CABCOCO1: variants seen among roughly 807,000 people sequenced by gnomAD.
The protein encoded by CABCOCO1 is ciliary associated calcium binding coiled-coil 1, also known as ciliary-associated calcium-binding coiled-coil protein 1.
A neutral mutation model predicts 35.7 loss-of-function variants in CABCOCO1; 28 were observed. That is an observed-to-expected ratio of 0.78 (90% CI 0.58 to 1.07). CABCOCO1 has a LOEUF of 1.07. Ranked by LOEUF, CABCOCO1 falls within the 50% of genes least tolerant of loss-of-function variation. The pLI, the probability that CABCOCO1 is intolerant of heterozygous loss-of-function variation, is 0.00. For synonymous variants in CABCOCO1, 95 were observed against 100.1 expected, an observed-to-expected ratio of 0.95 and a Z score of 0.30; for missense variants, 326 against 309.2, an observed-to-expected ratio of 1.05 and a Z score of -0.41.
intron 3 of CABCOCO1, among the ~76,000 whole-genome samples, chr10:61,682,667 A>G (rs1839831319): frequency 6.6e-6 from 1 of 152,198 alleles, no homozygotes; most frequent in South Asian, 2.1e-4. Flanking sequence ...TCATAGTGCT[A>G]TTTGCATTAA....
At chr10:61,680,675 T>TAG (rs1417159247) in intron 2 of CABCOCO1, among the ~76,000 whole-genome samples, 1 of 91,328 alleles carries the variant, frequency 1.1e-5, no homozygotes, top group African/African-American at 4.2e-5. Flanking sequence ...GTATAACATA[T>TAG]ATGTTATACA....
intron 5 of CABCOCO1, among the ~76,000 whole-genome samples, chr10:61,757,728 G>A (rs1470618455): frequency 7.2e-6 from 1 of 138,004 alleles, no homozygotes; most frequent in Non-Finnish European, 1.6e-5. Flanking sequence ...CACACACAGT[G>A]CCAAAGACCA....
chr10:61,671,218 T>A (rs1839349673), intron 1 of CABCOCO1, among the ~76,000 whole-genome samples: 1 of 151,726 alleles, frequency 6.6e-6, no homozygotes, highest in South Asian at 2.1e-4. Context: ...CCCAGCTACT[T>A]GGGAGGCTGA....
intron 5 of CABCOCO1, among the ~76,000 whole-genome samples, chr10:61,714,364 T>C (rs1840806914): frequency 6.6e-6 from 1 of 152,232 alleles, no homozygotes. Flanking sequence ...ATATCCCCTT[T>C]GTCATTTTTT....
intron 5 of CABCOCO1, among the ~76,000 whole-genome samples, chr10:61,748,569 T>C (rs1841714792): frequency 6.6e-6 from 1 of 152,204 alleles, no homozygotes; most frequent in Admixed American, 6.5e-5. Flanking sequence ...ACTGTGACCC[T>C]TGCTGCAGAA....
chr10:61,720,998 A>C (rs1450731252), intron 5 of CABCOCO1, among the ~76,000 whole-genome samples: 3 of 128,830 alleles, frequency 2.3e-5, no homozygotes, highest in Non-Finnish European at 4.7e-5. Context: ...GATCTCGGTT[A>C]ACTGCAAACT....
intron 2 of CABCOCO1, among the ~76,000 whole-genome samples, chr10:61,673,890 A>G (rs1044797518): frequency 6.6e-6 from 1 of 152,222 alleles, no homozygotes; most frequent in African/African-American, 2.4e-5. Flanking sequence ...TTCTTAATGT[A>G]AGAATTGATC....
At chr10:61,711,829 TAC>T (rs1427966250) in intron 5 of CABCOCO1, among the ~76,000 whole-genome samples, 4 of 151,986 alleles carry the variant, frequency 2.6e-5, no homozygotes, top group African/African-American at 9.7e-5. Flanking sequence ...ACAGACTAAA[TAC>T]ACAGTTCTCC....
chr10:61,732,201 T>C (rs1026644563), intron 5 of CABCOCO1, among the ~76,000 whole-genome samples: 2 of 152,118 alleles, frequency 1.3e-5, no homozygotes, highest in African/African-American at 2.4e-5. Context: ...GAAAAGATAT[T>C]TAAATTAATA....
At position 61,722,398 on chromosome 10, in the gene CABCOCO1, A is replaced by G. The variant is rs10994899; in HGVS notation, c.552+31777A>G. 4.5e-3 allele frequency among the ~76,000 whole-genome samples: 687 copies of G among 152,298 alleles called. 5 individuals are homozygous for G. The highest frequency in any genetic ancestry group is 0.016 in the African/African-American group (662 of 41,570). ...TTTACTGGAACAACTCTTTAGCCAA[A>G]AAGTAAATCTAAATGAAAATTTCTA... On this transcript the variant is annotated intron_variant, in intron 5 of 7. Transcript: ENST00000648843.
At chr10:61,680,338 A>T (rs1310118910) in intron 2 of CABCOCO1, among the ~76,000 whole-genome samples, 1 of 139,124 alleles carries the variant, frequency 7.2e-6, no homozygotes, top group African/African-American at 2.6e-5. Flanking sequence ...ATATATTTAT[A>T]TACATATAAC....
At chr10:61,707,095 G>A (rs1008562497) in intron 5 of CABCOCO1, among the ~76,000 whole-genome samples, 1 of 152,134 alleles carries the variant, frequency 6.6e-6, no homozygotes, top group Non-Finnish European at 1.5e-5. Flanking sequence ...AATGAGATTC[G>A]AATTGGGTTG....
At position 61,719,147 on chromosome 10, in the gene CABCOCO1, G is replaced by A. The variant is rs142683291; in HGVS notation, c.552+28526G>A. On this transcript the variant is annotated intron_variant, in intron 5 of 7. Coordinates refer to ENST00000648843, the MANE Select transcript of CABCOCO1 (RefSeq NM_001366906.2). ...TTCAGGAAGGTATTAATAAGGCCCC[G>A]CTTCCTGTATCTTAAACCAAACATT... Among the ~76,000 whole-genome samples the A allele has an allele frequency of 1.2e-4, 19 of 152,184 alleles. No homozygotes were observed. In the East Asian group the frequency reaches 1.9e-3, roughly 15 times the overall value.
intron 5 of CABCOCO1, among the ~76,000 whole-genome samples, chr10:61,710,145 T>G (rs1840693928): frequency 6.6e-6 from 1 of 152,046 alleles, no homozygotes; most frequent in Non-Finnish European, 1.5e-5. Flanking sequence ...GAGTTTTTTG[T>G]GTGTATATCA....
chr10:61,680,670 ACATATAT>A (rs1839737368), intron 2 of CABCOCO1, among the ~76,000 whole-genome samples: 5 of 63,022 alleles, frequency 7.9e-5, no homozygotes, highest in African/African-American at 2.5e-4. Context: ...TACATGTATA[ACATATAT>A]GTTATACATG....
At chr10:61,686,415 C>CA (rs540158817) in intron 4 of CABCOCO1, among the ~76,000 whole-genome samples, 18 of 149,064 alleles carry the variant, frequency 1.2e-4, no homozygotes, top group Non-Finnish European at 1.8e-4. Flanking sequence ...TTTGCATTCC[C>CA]AAAAAAAAAG....
chr10:61,717,940 A>G (rs1840907069), intron 5 of CABCOCO1, among the ~76,000 whole-genome samples: 1 of 152,208 alleles, frequency 6.6e-6, no homozygotes, highest in Non-Finnish European at 1.5e-5. Context: ...GAGACGACTC[A>G]TCTTGAGCAG....
chr10:61,670,083 CAGTT>C (rs1346871044), intron 1 of CABCOCO1, among the ~76,000 whole-genome samples: 1 of 152,024 alleles, frequency 6.6e-6, no homozygotes, highest in Non-Finnish European at 1.5e-5. Flanking sequence ...TTTAGACAGT[CAGTT>C]AGCAACCTAT....
chr10:61,685,518 C>A (rs1405182408), intron 3 of CABCOCO1: 1 of 152,086 alleles, frequency 6.6e-6, no homozygotes, highest in Admixed American at 6.6e-5. Context: ...ATAAACTCTG[C>A]AGACAATTGT....
Sources: allele counts gnomAD v4.1 joint callset (sites outside exome capture counted in the v4.1 genomes callset), GRCh38; gene constraint gnomAD v4.1.1; transcripts MANE v1.5; gene names NCBI Gene and HGNC (gene_info 2026-07-23, HGNC 2026-07-21).